The following BLTP3A variants were observed in gnomAD, a reference collection of about 807,000 sequenced individuals.
The protein encoded by BLTP3A is ICBP90 binding protein 1.
chr6:34,849,769 A>T, the BLTP3A span, among the ~76,000 whole-genome samples: 1 of 152,168 alleles, frequency 6.6e-6, no homozygotes, highest in African/African-American at 2.4e-5. Flanking sequence ...GTGTTGATGA[A>T]ATCCAGTTTG....
chr6:34,864,628 G>A, the BLTP3A span, among the ~76,000 whole-genome samples: 1 of 150,386 alleles, frequency 6.6e-6, no homozygotes, highest in African/African-American at 2.5e-5. Context: ...AGTTAAACTG[G>A]TTCTTTCAGT....
chr6:34,834,850 C>G, the BLTP3A span: 1 of 1,613,590 alleles, frequency 6.2e-7, no homozygotes, highest in South Asian at 1.1e-5. Context: ...CCAAATAGCC[C>G]TCAAAAGAAG....
chr6:34,864,305 A>G, the BLTP3A span: 1 of 1,143,680 alleles, frequency 8.7e-7, no homozygotes, highest in Non-Finnish European at 1.2e-6. Flanking sequence ...ATGATAATAT[A>G]GACATTTTCT....
chr6:34,815,111 C>G, the BLTP3A span, among the ~76,000 whole-genome samples: 1 of 152,170 alleles, frequency 6.6e-6, no homozygotes, highest in Admixed American at 6.5e-5. Context: ...AAGATTAATT[C>G]AGATGTTATG....
chr6:34,801,701 T>TTTTA, the BLTP3A span, among the ~76,000 whole-genome samples: 1,559 of 150,926 alleles, frequency 0.01, 9 homozygotes, highest in Middle Eastern at 0.017. Context: ...CACAGCTTTA[T>TTTTA]TTTATTTATT....
At chr6:34,852,284 A>G in the BLTP3A span, among the ~76,000 whole-genome samples, 1 of 151,926 alleles carries the variant, frequency 6.6e-6, no homozygotes. Context: ...CATGGCAAAT[A>G]CTGTCTAGGT....
chr6:34,847,921 C>CTT, the BLTP3A span, among the ~76,000 whole-genome samples: 25 of 91,172 alleles, frequency 2.7e-4, no homozygotes, highest in South Asian at 6.4e-4. Context: ...TCTTTTTTTC[C>CTT]TTTTTTTTTT....
the BLTP3A span, among the ~76,000 whole-genome samples, chr6:34,860,788 A>G: frequency 2.0e-5 from 3 of 152,188 alleles, no homozygotes; most frequent in Non-Finnish European, 2.9e-5. Context: ...TAATCACCCA[A>G]TGTGCTGCCT....
the BLTP3A span, among the ~76,000 whole-genome samples, chr6:34,862,015 G>A: frequency 1.9e-3 from 285 of 152,264 alleles, 1 homozygote; most frequent in African/African-American, 6.5e-3. Context: ...AATGCTGTAT[G>A]AAATGTCCTT....
the BLTP3A span, chr6:34,872,062 C>A: frequency 2.1e-6 from 2 of 936,602 alleles, no homozygotes; most frequent in South Asian, 1.7e-5. Context: ...TGTCACCTAG[C>A]AGCGGCTTCT....
At chr6:34,815,975 T>C in the BLTP3A span, among the ~76,000 whole-genome samples, 2 of 152,202 alleles carry the variant, frequency 1.3e-5, no homozygotes, top group Non-Finnish European at 2.9e-5. Context: ...TCCAAAATAA[T>C]TAAGATCCAT....
the BLTP3A span, among the ~76,000 whole-genome samples, chr6:34,865,442 G>A: frequency 6.6e-6 from 1 of 152,102 alleles, no homozygotes; most frequent in Non-Finnish European, 1.5e-5. Context: ...CTGTTCATTG[G>A]TTGATGAACA....
the BLTP3A span, among the ~76,000 whole-genome samples, chr6:34,841,170 G>T: frequency 2.7e-5 from 4 of 150,396 alleles, no homozygotes; most frequent in Admixed American, 1.3e-4. Flanking sequence ...TATTTTTTTT[G>T]ATTCTCACAC....
chr6:34,871,605 C>G, the BLTP3A span: 1 of 1,613,360 alleles, frequency 6.2e-7, no homozygotes, highest in South Asian at 1.1e-5. Context: ...CCCCATCTAT[C>G]CAACATCTCC....
chr6:34,866,155 T>C, the BLTP3A span, among the ~76,000 whole-genome samples: 1 of 152,174 alleles, frequency 6.6e-6, no homozygotes, highest in African/African-American at 2.4e-5. Context: ...ACCTCACGCG[T>C]GTAATCCCAG....
the BLTP3A span, chr6:34,872,735 C>T: frequency 4.7e-6 from 1 of 212,630 alleles, no homozygotes; most frequent in African/African-American, 2.3e-5. Flanking sequence ...GGAATCTTCT[C>T]AACACTGTAG....
the BLTP3A span, among the ~76,000 whole-genome samples, chr6:34,843,346 TTTA>T: frequency 1.3e-5 from 2 of 152,210 alleles, no homozygotes; most frequent in Non-Finnish European, 2.9e-5. Flanking sequence ...TAGTTTATGT[TTTA>T]TTATTTAATT....
At chr6:34,845,303 C>G in the BLTP3A span, among the ~76,000 whole-genome samples, 8 of 152,144 alleles carry the variant, frequency 5.3e-5, no homozygotes, top group Admixed American at 1.3e-4. Context: ...CAGTTTTCTT[C>G]TCTTTGCTCA....
the BLTP3A span, among the ~76,000 whole-genome samples, chr6:34,824,330 C>T: frequency 1.2e-3 from 186 of 151,832 alleles, 3 homozygotes; most frequent in African/African-American, 3.1e-3. Flanking sequence ...GTCAGGAGTT[C>T]GAGACCAGCC....
Sources: gnomAD v4.1 joint callset for allele counts (sites outside exome capture counted in the v4.1 genomes callset) on GRCh38, gnomAD v4.1.1 for gene constraint, MANE v1.5 for transcripts, NCBI Gene and HGNC (gene_info 2026-07-23, HGNC 2026-07-21) for gene names.